Variants in ZBTB48 observed in about 807,000 individuals in gnomAD.
ZBTB48 encodes the protein zinc finger and BTB domain containing 48.
ZBTB48 carries 35 observed loss-of-function variants against 64.5 expected under a neutral mutation model. The observed-to-expected ratio is 0.54, with a 90% CI of 0.41 to 0.72. The LOEUF is 0.72. Ranked by LOEUF, ZBTB48 falls within the 30% of genes least tolerant of loss-of-function variation. The pLI, the probability that ZBTB48 is intolerant of heterozygous loss-of-function variation, is 0.00. For synonymous variants in ZBTB48, 442 were observed against 356.7 expected (o/e 1.24, Z -2.70); for missense variants, 828 against 895.3 (o/e 0.92, Z 0.96).
intron 2 of ZBTB48, 70 bp from the exon 3 acceptor site, chr1:6,581,988 G>A (rs1315088095): frequency 4.4e-6 from 7 of 1,590,736 alleles, no homozygotes; most frequent in Non-Finnish European, 6.0e-6. Context: ...TGGAACTGGA[G>A]CTGGGTCCCT....
In ZBTB48 at chr1:6,581,216, G is replaced by A. The variant is rs766738146; in HGVS notation, c.607G>A (p.Glu203Lys). 4 of 1,613,198 alleles carry A rather than the reference G, an allele frequency of 2.5e-6. No individual in the cohort carries two copies. The highest frequency in any genetic ancestry group is 1.3e-5 in the African/African-American group (1 of 74,932). ...LKQALKPCPL[E>K]DKKPEDCKVP... ...GCAGGCCTTGAAGCCTTGTCCCCTTGAGGACAAGAAACCCGAGGACTGCAA... is the reference window on the plus strand; with the variant it reads ...GCAGGCCTTGAAGCCTTGTCCCCTTAAGGACAAGAAACCCGAGGACTGCAA... Residue 203 changes from glutamate to lysine, a missense_variant, in exon 2 of 11, where the codon GAG becomes AAG. Coordinates refer to ENST00000377674, the MANE Select transcript of ZBTB48 (RefSeq NM_005341.4).
chr1:6,583,620 T>G (rs1640552108), intron 3 of ZBTB48, among the ~76,000 whole-genome samples: 1 of 148,432 alleles, frequency 6.7e-6, no homozygotes, highest in Non-Finnish European at 1.5e-5. Flanking sequence ...TTTTTTTTTT[T>G]GAGACAGTCT....
At chr1:6,582,990 TTTTG>T (rs1487118922) in intron 3 of ZBTB48, among the ~76,000 whole-genome samples, 1 of 150,602 alleles carries the variant, frequency 6.6e-6, no homozygotes, top group Non-Finnish European at 1.5e-5. Context: ...ATTTTATGTT[TTTTG>T]TTTGTTTTTG....
chr1:6,587,153 G>A (rs1299707373), intron 5 of ZBTB48, 52 bp from the exon 6 acceptor site: 2 of 1,600,270 alleles, frequency 1.2e-6, no homozygotes, highest in South Asian at 2.2e-5. Context: ...GTGGGTGGCA[G>A]GGTTTCATGG....
chr1:6,580,360 C>T lies in ZBTB48; in HGVS notation c.-69-181C>T, dbSNP rs1465615004. On this transcript the variant is annotated intron_variant, in intron 1 of 10. Transcript: ENST00000377674. This position sits in a 1 kb window ranked among gnomAD's most constrained non-coding sequence, Gnocchi z 5.2. ...ATTTTTCTCACCAGGCCCTTCTTCACGACCCTGGCCCCCCATCCAGCATCC... is the reference window on the plus strand; with the variant it reads ...ATTTTTCTCACCAGGCCCTTCTTCATGACCCTGGCCCCCCATCCAGCATCC... Among the ~76,000 whole-genome samples the T allele has an allele frequency of 6.7e-6, 1 of 149,416 alleles. No homozygotes were observed. Among genetic ancestry groups the T allele is most frequent in the East Asian group, 1.9e-4 (1 of 5,180 alleles).
Position 6,580,060 on chromosome 1 carries a change from C to T in ZBTB48, c.-146C>T, listed in dbSNP as rs552156874. The T allele has an allele frequency of 1.6e-4, 31 of 192,486 alleles. No homozygotes were observed. The highest frequency in any genetic ancestry group is 6.6e-4 in the African/African-American group (28 of 42,214). 11.9% of individuals were successfully genotyped at this position (192,486 alleles called of 1,614,324 possible). A position where few individuals can be genotyped will look rare whatever the true frequency, so the allele number is the denominator to read the frequency against. On this transcript the variant is annotated 5_prime_UTR_variant, in exon 1 of 11. Transcript: ENST00000377674. The surrounding 1 kb of genome is among the most constrained non-coding windows in gnomAD (Gnocchi z 5.2). ...CGCACTGTCGGCGGGGTACGCATAG[C>T]CGGGCACTAGGTTCGTGGGCTGTGG...
Position 6,585,731 on chromosome 1 carries a change from T to C in ZBTB48, c.933-188T>C, listed in dbSNP as rs1640637135. 3 of 602,756 alleles carry C rather than the reference T, an allele frequency of 5.0e-6. No homozygotes were observed. In the Admixed American group the frequency reaches 8.6e-5, roughly 17 times the overall value. 37.3% of individuals were successfully genotyped at this position (602,756 alleles called of 1,614,324 possible). A position where few individuals can be genotyped will look rare whatever the true frequency, so the allele number is the denominator to read the frequency against. On this transcript the variant is annotated intron_variant, in intron 3 of 10. Transcript: ENST00000377674. Reference sequence around the variant, plus strand: ...GCCTCTTAGGACCTGTGTGAGCTTCTTGCCACTGCACTCTCCCTTGCAGAG... The same window carrying C: ...GCCTCTTAGGACCTGTGTGAGCTTCCTGCCACTGCACTCTCCCTTGCAGAG...
At position 6,585,991 on chromosome 1, in the gene ZBTB48, G is replaced by A; in HGVS notation, c.1005G>A (p.Leu335=). The change falls in exon 4 of 11, where the codon CTG becomes CTA. Residue 335 remains leucine (L), a synonymous_variant. Coordinates refer to ENST00000377674, the MANE Select transcript of ZBTB48 (RefSeq NM_005341.4). The part of the protein sequence containing the change: ...GKCYFRKENL[L]EHEARNCMNR... ...GTTACTTTCGGAAGGAGAACCTCCT[G>A]GAGCATGAAGCCCGGAATTGCATGA... The A allele has an allele frequency of 6.2e-7, 1 of 1,614,156 alleles. No individual in the cohort carries two copies. Among genetic ancestry groups the A allele is most frequent in the South Asian group, 1.1e-5 (1 of 91,088 alleles).
At position 6,587,219 on chromosome 1, in the gene ZBTB48, C is replaced by T. The variant is rs761630261; in HGVS notation, c.1152C>T (p.Ser384=). The change falls in exon 6 of 11, where the codon TCC becomes TCT. Residue 384 remains serine, a synonymous_variant. Transcript: ENST00000377674. ...CTCTTTTTCAGTGTTCCTCCTGCTCCCAGCAGTTCATGCAGAAGAAGGACT... is the reference window on the plus strand; with the variant it reads ...CTCTTTTTCAGTGTTCCTCCTGCTCTCAGCAGTTCATGCAGAAGAAGGACT... The part of the protein sequence containing the change: ...GEMPYKCSSC[S]QQFMQKKDLQ... 21 of 1,613,860 alleles carry T rather than the reference C, an allele frequency of 1.3e-5. No homozygotes were observed. Among genetic ancestry groups the T allele is most frequent in the Non-Finnish European group, 1.7e-5 (20 of 1,180,022 alleles).
At chr1:6,586,596 CAG>C in intron 4 of ZBTB48, 97 bp from the exon 5 acceptor site, 1 of 1,412,132 alleles carries the variant, frequency 7.1e-7, no homozygotes, top group Non-Finnish European at 9.2e-7. Flanking sequence ...CCTCCCCAGG[CAG>C]ACTCTTCCCA....
chr1:6,582,726 G>A (rs867072965), intron 3 of ZBTB48, among the ~76,000 whole-genome samples: 3 of 152,224 alleles, frequency 2.0e-5, no homozygotes, highest in Admixed American at 6.5e-5. Context: ...TGCTACCTGC[G>A]TTTCCAGGGA....
At chr1:6,583,468 T>C (rs1380455102) in intron 3 of ZBTB48, among the ~76,000 whole-genome samples, 3 of 151,072 alleles carry the variant, frequency 2.0e-5, no homozygotes, top group Non-Finnish European at 4.4e-5. Context: ...GCCTGGCTAA[T>C]ATTTGTATTT....
chr1:6,580,944 A>G lies in ZBTB48; in HGVS notation c.335A>G (p.Gln112Arg). 7 of 1,614,016 alleles carry G rather than the reference A, an allele frequency of 4.3e-6. No homozygotes were observed. Among genetic ancestry groups the G allele is most frequent in the Non-Finnish European group, 5.9e-6 (7 of 1,180,042 alleles). Residue 112 changes from glutamine to arginine, a missense_variant, in exon 2 of 11, where the codon CAG becomes CGG. Physicochemically the swap from Gln to Arg is conservative, Grantham distance 43. Coordinates refer to ENST00000377674, the MANE Select transcript of ZBTB48 (RefSeq NM_005341.4). This position sits in a 1 kb window ranked among gnomAD's most constrained non-coding sequence, Gnocchi z 5.2. ...LRVPEAVELC[Q>R]SFKPKTSVGQ... ...GTGCCAGAGGCCGTAGAGCTGTGCC[A>G]GAGCTTCAAGCCCAAAACTTCAGTG...
chr1:6,588,628 G>A (rs567708872), intron 9 of ZBTB48, 128 bp from the exon 10 acceptor site: 2 of 1,463,736 alleles, frequency 1.4e-6, no homozygotes, highest in Non-Finnish European at 1.8e-6. Context: ...TGGAGAGCCT[G>A]GCAGGGCCTG....
Position 6,581,287 on chromosome 1 carries a change from C to T in ZBTB48, c.678C>T (p.Gly226=), listed in dbSNP as rs373130931. ...PLEAEGAQLQ[G]GSNEWEVVVQ... ...AGGCTGAAGGTGCCCAGCTGCAGGGCGGCAGTAATGAGGTACTGTGCCCAG... is the reference window on the plus strand; with the variant it reads ...AGGCTGAAGGTGCCCAGCTGCAGGGTGGCAGTAATGAGGTACTGTGCCCAG... The change falls in exon 2 of 11, where the codon GGC becomes GGT. Residue 226 remains glycine, a synonymous_variant. Coordinates refer to ENST00000377674, the MANE Select transcript of ZBTB48 (RefSeq NM_005341.4). 123 of 1,601,888 alleles carry T rather than the reference C, an allele frequency of 7.7e-5. No individual in the cohort carries two copies. Among genetic ancestry groups the T allele is most frequent in the Admixed American group, 6.8e-5 (4 of 58,500 alleles).
chr1:6,589,087 C>G lies in ZBTB48; in HGVS notation c.1942C>G (p.Gln648Glu). 1.9e-6 allele frequency: 3 copies of G among 1,608,490 alleles called. No individual in the cohort carries two copies. Among genetic ancestry groups the G allele is most frequent in the Non-Finnish European group, 2.5e-6 (3 of 1,178,038 alleles). Reference protein sequence around the residue: ...SAEVIVESLAQGGLASQLPGQ... With the variant: ...SAEVIVESLAEGGLASQLPGQ... ...GGAGGTCATTGTGGAGTCCCTGGCC[C>G]AGGGCGGCCTGGCCTCCCAGCTCCC... Residue 648 changes from glutamine to glutamate, a missense_variant, in exon 11 of 11, where the codon CAG becomes GAG. By Grantham distance (29) the Gln-to-Glu change is conservative. Transcript: ENST00000377674.
intron 3 of ZBTB48, 107 bp downstream of exon 3, chr1:6,582,406 C>T (rs3747996): frequency 2.1e-6 from 3 of 1,421,036 alleles, no homozygotes; most frequent in Non-Finnish European, 1.9e-6. Context: ...GGGGATCCAT[C>T]TCAGACCCAC....
At chr1:6,583,450 G>T (rs1433571601) in intron 3 of ZBTB48, among the ~76,000 whole-genome samples, 2 of 150,152 alleles carry the variant, frequency 1.3e-5, no homozygotes, top group East Asian at 4.0e-4. Context: ...ACAGGTGCCT[G>T]CCACCACGCC....
chr1:6,587,192 GC>G lies in ZBTB48; in HGVS notation c.1138-11del, dbSNP rs780422352. 1 of 1,613,860 alleles carries G rather than the reference GC, an allele frequency of 6.2e-7. No homozygotes were observed. Among genetic ancestry groups the G allele is most frequent in the Non-Finnish European group, 8.5e-7 (1 of 1,179,964 alleles). On this transcript the variant is annotated splice_polypyrimidine_tract_variant and intron_variant, in intron 5 of 10. Transcript: ENST00000377674. ...CAGGCCGCCCTGGAGGTGACTGTGG[GC>G]CTCTTTTTCAGTGTTCCTCCTGCTC...
Sources: gnomAD v4.1 joint callset for allele counts (sites outside exome capture counted in the v4.1 genomes callset) on GRCh38, gnomAD v4.1.1 for gene constraint, Gnocchi (gnomAD v3.1) non-coding constraint, MANE v1.5 for transcripts, NCBI Gene and HGNC (gene_info 2026-07-23, HGNC 2026-07-21) for gene names.